NR2C1: variants seen among roughly 807,000 people sequenced by gnomAD.
NR2C1 encodes the protein nuclear receptor subfamily 2 group C member 1, also known as TR2 nuclear hormone receptor.
NR2C1 carries 33 observed loss-of-function variants against 74.8 expected under a neutral mutation model. The observed-to-expected ratio is 0.44, with a 90% CI of 0.33 to 0.59. The LOEUF (loss-of-function observed/expected upper bound fraction) is 0.59, where lower values mean the gene tolerates loss of function less well. Among genes scored for constraint, NR2C1 ranks in the 20% least tolerant of loss-of-function variants. The probability of loss-of-function intolerance (pLI) is 0.02; values close to 1 mark genes in which losing one functional copy is unlikely to be tolerated. For synonymous variants in NR2C1, 225 were observed against 240.6 expected (o/e 0.94, Z 0.60); for missense variants, 568 against 715.6 (o/e 0.79, Z 2.35).
intron 10 of NR2C1, among the ~76,000 whole-genome samples, chr12:95,034,365 CTT>C (rs1870551960): frequency 1.3e-5 from 2 of 152,032 alleles, no homozygotes; most frequent in South Asian, 4.1e-4. Context: ...AAATATCAAT[CTT>C]AAACAAAATC....
intron 2 of NR2C1, among the ~76,000 whole-genome samples, chr12:95,063,274 G>A (rs1793142939): frequency 1.3e-5 from 2 of 152,166 alleles, no homozygotes; most frequent in Non-Finnish European, 2.9e-5. Context: ...GACTACCTAG[G>A]GGAAGAACAT....
At chr12:95,037,894 C>CAAAAAAAAAAAAAAAAAAAAA (rs988473049) in intron 10 of NR2C1, among the ~76,000 whole-genome samples, 1 of 67,074 alleles carries the variant, frequency 1.5e-5, no homozygotes. Context: ...GCCTCCATCT[C>CAAAAAAAAAAAAAAAAAAAAA]AAAAAAAAAA....
chr12:95,051,681 T>G, intron 8 of NR2C1, 81 bp downstream of exon 8: 6 of 1,222,356 alleles, frequency 4.9e-6, no homozygotes, highest in Non-Finnish European at 6.8e-6. Context: ...CTTTTATAAA[T>G]AGCATTTAAC....
intron 1 of NR2C1, among the ~76,000 whole-genome samples, chr12:95,071,840 C>T (rs1458374879): frequency 6.6e-6 from 1 of 151,722 alleles, no homozygotes; most frequent in South Asian, 2.1e-4. Context: ...CCTCCGCCTC[C>T]CGGGTTCAAG....
intron 3 of NR2C1, 134 bp from the exon 4 acceptor site, chr12:95,060,118 T>A (rs916544113): frequency 8.4e-6 from 6 of 718,060 alleles, no homozygotes; most frequent in Non-Finnish European, 1.1e-5. Context: ...AAGTTATTTT[T>A]AAACTTTGTA....
chr12:95,048,803 T>C (rs1444599648), intron 9 of NR2C1, among the ~76,000 whole-genome samples: 2 of 152,020 alleles, frequency 1.3e-5, no homozygotes, highest in African/African-American at 4.8e-5. Flanking sequence ...TTTGTATTTT[T>C]AGTAGAGACA....
chr12:95,059,768 T>TA, intron 4 of NR2C1, 138 bp downstream of exon 4: 1 of 623,682 alleles, frequency 1.6e-6, no homozygotes, highest in Middle Eastern at 3.4e-4. Flanking sequence ...ATATGAACCA[T>TA]AAAAACGACA....
At chr12:95,044,628 T>C (rs1482527206) in intron 9 of NR2C1, among the ~76,000 whole-genome samples, 1 of 152,110 alleles carries the variant, frequency 6.6e-6, no homozygotes, top group East Asian at 1.9e-4. Flanking sequence ...CTCACGCTTA[T>C]AATCCCAGCA....
intron 8 of NR2C1, among the ~76,000 whole-genome samples, chr12:95,050,536 T>C (rs1872838598): frequency 6.6e-6 from 1 of 152,126 alleles, no homozygotes; most frequent in African/African-American, 2.4e-5. Context: ...CTCAAACTCC[T>C]GACCTCAGGT....
chr12:95,069,240 C>A (rs1006597294), intron 1 of NR2C1, among the ~76,000 whole-genome samples: 3 of 152,148 alleles, frequency 2.0e-5, no homozygotes, highest in African/African-American at 7.2e-5. Flanking sequence ...GAAGTCACCT[C>A]CTAATGAAAA....
intron 1 of NR2C1, among the ~76,000 whole-genome samples, chr12:95,069,001 A>G (rs1021936412): frequency 6.6e-6 from 1 of 152,104 alleles, no homozygotes; most frequent in Admixed American, 6.6e-5. Flanking sequence ...ACATCTTAAA[A>G]GGACACATAA....
chr12:95,057,967 T>C, intron 5 of NR2C1, 89 bp from the exon 6 acceptor site: 1 of 1,078,902 alleles, frequency 9.3e-7, no homozygotes, highest in Non-Finnish European at 1.4e-6. Flanking sequence ...ATGCTGCTAA[T>C]AGGAGACATG....
At chr12:95,037,894 C>CAAAAAAA (rs988473049) in intron 10 of NR2C1, among the ~76,000 whole-genome samples, 1 of 67,074 alleles carries the variant, frequency 1.5e-5, no homozygotes, top group Non-Finnish European at 2.9e-5. Context: ...GCCTCCATCT[C>CAAAAAAA]AAAAAAAAAA....
chr12:95,065,853 G>A (rs1875601935), intron 2 of NR2C1, among the ~76,000 whole-genome samples: 1 of 151,862 alleles, frequency 6.6e-6, no homozygotes, highest in South Asian at 2.1e-4. Flanking sequence ...AGGAGGCTGA[G>A]GCAGGAGAAT....
At chr12:95,032,264 T>C (rs1211054393) in intron 10 of NR2C1, among the ~76,000 whole-genome samples, 1 of 152,172 alleles carries the variant, frequency 6.6e-6, no homozygotes, top group Non-Finnish European at 1.5e-5. Flanking sequence ...ATAAATAAGA[T>C]ACCCAGGATT....
chr12:95,062,870 T>C (rs1875009364), intron 2 of NR2C1, 132 bp from the exon 3 acceptor site: 4 of 666,416 alleles, frequency 6.0e-6, no homozygotes, highest in African/African-American at 1.8e-5. Flanking sequence ...ACCGATTCTA[T>C]TGCCACAAAA....
chr12:95,062,457 A>AT, intron 3 of NR2C1, 51 bp downstream of exon 3: 2 of 1,298,360 alleles, frequency 1.5e-6, no homozygotes, highest in Admixed American at 2.4e-5. Context: ...TTATGATTAA[A>AT]ATTTTTTTTT....
intron 11 of NR2C1, chr12:95,030,372 T>TA: frequency 4.9e-6 from 5 of 1,019,364 alleles, no homozygotes; most frequent in Non-Finnish European, 6.4e-6. Flanking sequence ...AGATATTTAG[T>TA]AAAAACACTG....
chr12:95,032,609 G>A (rs1036563110), intron 10 of NR2C1, among the ~76,000 whole-genome samples: 1 of 152,180 alleles, frequency 6.6e-6, no homozygotes, highest in Non-Finnish European at 1.5e-5. Flanking sequence ...GTTGTCTAAT[G>A]ATACAAAATG....
Sources: allele counts gnomAD v4.1 joint callset (sites outside exome capture counted in the v4.1 genomes callset), GRCh38; gene constraint gnomAD v4.1.1; transcripts MANE v1.5; gene names NCBI Gene and HGNC (gene_info 2026-07-23, HGNC 2026-07-21).